Variants in FGGY observed in about 807,000 individuals in gnomAD.
The protein encoded by FGGY is FGGY carbohydrate kinase domain-containing protein.
A neutral mutation model predicts 71.3 loss-of-function variants in FGGY; 72 were observed. The observed-to-expected ratio is 1.01, with a 90% confidence interval of 0.84 to 1.23. The LOEUF is 1.23. Ranked by LOEUF, FGGY falls within the 50% of genes most tolerant of loss-of-function variation. The pLI is 0.00. For synonymous variants in FGGY, 251 were observed against 250.3 expected (o/e 1.00, Z -0.02); for missense variants, 668 against 682.3 (o/e 0.98, Z 0.23).
At chr1:59,697,220 C>G (rs2097668060) in intron 14 of FGGY, among the ~76,000 whole-genome samples, 1 of 152,138 alleles carries the variant, frequency 6.6e-6, no homozygotes. Context: ...ATCATCTTAA[C>G]CATTTTTAAG....
At chr1:59,581,553 G>A (rs891161626) in intron 8 of FGGY, among the ~76,000 whole-genome samples, 1 of 147,362 alleles carries the variant, frequency 6.8e-6, no homozygotes, top group African/African-American at 2.6e-5. Flanking sequence ...TGTGGCTGTG[G>A]CTTATTCATC....
chr1:59,734,973 T>C (rs2098087384), intron 14 of FGGY, among the ~76,000 whole-genome samples: 1 of 152,256 alleles, frequency 6.6e-6, no homozygotes, highest in Non-Finnish European at 1.5e-5. Context: ...GCAAATAAAC[T>C]AGCAAAGATT....
intron 5 of FGGY, among the ~76,000 whole-genome samples, chr1:59,436,346 C>T (rs972962472): frequency 5.3e-5 from 8 of 152,042 alleles, no homozygotes; most frequent in African/African-American, 1.7e-4. Context: ...AGTCCTCCTC[C>T]CCCCGCAAAC....
rs71046337 is a variant in FGGY, at chr1:59,680,450, C to CT, written c.1512+6332dup. Among the ~76,000 whole-genome samples the CT allele has an allele frequency of 3.5e-4, 44 of 127,202 alleles. 1 individual carries two copies. Among genetic ancestry groups the CT allele is most frequent in the African/African-American group, 6.0e-4 (20 of 33,146 alleles). The allele number at this position is 127,202 out of a possible 152,430, so 83.4% of individuals were successfully genotyped here. The stretch of plus-strand genomic sequence containing the variant: ...TGCCACACCTGGTTAACAATACATT[C>CT]TTTTTTTTTTTTTTTAAGAGTTTTT... On this transcript the variant is annotated intron_variant, in intron 14 of 15. Coordinates refer to ENST00000303721, the MANE Select transcript of FGGY (RefSeq NM_018291.5).
Position 59,378,842 on chromosome 1 carries a change from G to A in FGGY, c.554+5G>A, listed in dbSNP as rs2059002360. On this transcript the variant is annotated splice_donor_5th_base_variant and intron_variant, in intron 5 of 15. Transcript: ENST00000303721. ...GGCAACAGGTGTCACAGCACGGTATGTTAATTACAAGTTGGATTGTGTTTG... is the reference window on the plus strand; with the variant it reads ...GGCAACAGGTGTCACAGCACGGTATATTAATTACAAGTTGGATTGTGTTTG... The A allele has an allele frequency of 6.2e-7, 1 of 1,609,972 alleles. No homozygotes were observed. Among genetic ancestry groups the A allele is most frequent in the Non-Finnish European group, 8.5e-7 (1 of 1,176,784 alleles).
chr1:59,753,708 C>G (rs1574046870), intron 14 of FGGY, among the ~76,000 whole-genome samples: 1 of 151,030 alleles, frequency 6.6e-6, no homozygotes, highest in East Asian at 1.9e-4. Flanking sequence ...TTGTTTTTAA[C>G]TTGTTTTTAA....
intron 5 of FGGY, among the ~76,000 whole-genome samples, chr1:59,382,705 T>C (rs938819335): frequency 6.6e-6 from 1 of 152,194 alleles, no homozygotes; most frequent in African/African-American, 2.4e-5. Flanking sequence ...ATGGTCTTGT[T>C]TGTTAGTCAA....
intron 4 of FGGY, among the ~76,000 whole-genome samples, chr1:59,369,283 C>T (rs551731254): frequency 1.0e-3 from 158 of 152,294 alleles, no homozygotes; most frequent in African/African-American, 3.7e-3. Context: ...CTCGGAGGGT[C>T]GTACGCCCAC....
chr1:59,358,756 A>C (rs76259285), intron 4 of FGGY, among the ~76,000 whole-genome samples: 3,720 of 152,300 alleles, frequency 0.024, 176 homozygotes, highest in African/African-American at 0.086. Flanking sequence ...AGTTTTAGTT[A>C]AGATATTGAC....
chr1:59,313,458 G>T (rs2044748401), intron 1 of FGGY, among the ~76,000 whole-genome samples: 3 of 152,134 alleles, frequency 2.0e-5, no homozygotes, highest in Admixed American at 2.0e-4. Context: ...AGAATGCCTA[G>T]GTATAGATAA....
rs576699516 is a variant in FGGY at position 59,475,108 on chromosome 1, G to A, written c.670+18032G>A. On this transcript the variant is annotated intron_variant, in intron 6 of 15. Coordinates refer to ENST00000303721, the MANE Select transcript of FGGY (RefSeq NM_018291.5). ...ACCATAACCCCTTGAATAATCCCAG[G>A]TAATTATTGCCAACTTCTAGATTTG... Among the ~76,000 whole-genome samples the A allele has an allele frequency of 3.3e-5, 5 of 152,230 alleles. No individual in the cohort carries two copies. In the East Asian group the frequency reaches 7.7e-4, roughly 23 times the overall value.
At chr1:59,708,603 G>A (rs1251628453) in intron 14 of FGGY, among the ~76,000 whole-genome samples, 1 of 152,146 alleles carries the variant, frequency 6.6e-6, no homozygotes, top group Non-Finnish European at 1.5e-5. Flanking sequence ...CTTTAAAGGA[G>A]GTTATGTGAG....
At chr1:59,516,821 A>C (rs2094667050) in intron 7 of FGGY, among the ~76,000 whole-genome samples, 1 of 152,082 alleles carries the variant, frequency 6.6e-6, no homozygotes, top group South Asian at 2.1e-4. Flanking sequence ...GCCTGCTTGA[A>C]ACCCCACATT....
At chr1:59,314,132 A>C (rs1294277715) in intron 1 of FGGY, among the ~76,000 whole-genome samples, 3 of 151,914 alleles carry the variant, frequency 2.0e-5, no homozygotes, top group African/African-American at 7.3e-5. Flanking sequence ...CACTCGGCTA[A>C]TTTTTTGTAT....
rs557585601 is a variant in FGGY, at chr1:59,634,345, T to A, written c.1074-3883T>A. Among the ~76,000 whole-genome samples, 310 of 152,178 alleles carry A rather than the reference T, an allele frequency of 2.0e-3. 4 individuals carry two copies. The highest frequency in any genetic ancestry group is 2.4e-4 in the Non-Finnish European group (16 of 68,010). Reference sequence around the variant, plus strand: ...TCACTTGAACCCAGGAGGCAGAGGTTGCAGTGAGCTGAGATCACACCACTG... The same window carrying A: ...TCACTTGAACCCAGGAGGCAGAGGTAGCAGTGAGCTGAGATCACACCACTG... On this transcript the variant is annotated intron_variant, in intron 10 of 15. Coordinates refer to ENST00000303721, the MANE Select transcript of FGGY (RefSeq NM_018291.5).
chr1:59,492,975 C>CT (rs1287134236), intron 6 of FGGY, among the ~76,000 whole-genome samples: 1 of 152,028 alleles, frequency 6.6e-6, no homozygotes, highest in Non-Finnish European at 1.5e-5. Flanking sequence ...TACTTTTTAA[C>CT]TTTCATGATT....
intron 4 of FGGY, among the ~76,000 whole-genome samples, chr1:59,366,361 C>T (rs1030311085): frequency 1.3e-5 from 2 of 152,110 alleles, no homozygotes; most frequent in African/African-American, 2.4e-5. Context: ...GGGTCTTTCT[C>T]GGCAGTGACA....
chr1:59,347,260 C>T (rs1453377903), intron 4 of FGGY, among the ~76,000 whole-genome samples: 2 of 121,218 alleles, frequency 1.6e-5, no homozygotes, highest in East Asian at 2.7e-4. Flanking sequence ...CCCCACCCCA[C>T]AACAGGCCCC....
At chr1:59,653,206 G>T (rs1271989571) in intron 11 of FGGY, among the ~76,000 whole-genome samples, 12 of 152,342 alleles carry the variant, frequency 7.9e-5, no homozygotes, top group Non-Finnish European at 1.3e-4. Context: ...CTGTCTTTTT[G>T]TTTGTCTGTG....
Sources: gnomAD v4.1 joint callset for allele counts (sites outside exome capture counted in the v4.1 genomes callset) on GRCh38, gnomAD v4.1.1 for gene constraint, MANE v1.5 for transcripts, NCBI Gene and HGNC (gene_info 2026-07-23, HGNC 2026-07-21) for gene names.